PCYOX1: variants seen among roughly 807,000 people sequenced by gnomAD.
PCYOX1 encodes prenylcysteine oxidase 1.
In PCYOX1, 46 loss-of-function variants were observed where a neutral mutation model predicts 46.4. That is an observed-to-expected ratio of 0.99 (90% confidence interval 0.78 to 1.27). The LOEUF (loss-of-function observed/expected upper bound fraction) is 1.27, where lower values mean the gene tolerates loss of function less well. PCYOX1 is among the 50% of genes most tolerant of loss of function. The pLI is 0.00. For missense variants in PCYOX1, 658 were observed against 628.3 expected (o/e 1.05, Z -0.51); for synonymous variants, 220 against 231.8 (o/e 0.95, Z 0.46).
rs2104886355 is a variant in PCYOX1, at chr2:70,258,236, C to T, written c.72C>T (p.Cys24=). 2 of 1,595,444 alleles carry T rather than the reference C, an allele frequency of 1.3e-6. No homozygotes were observed. The highest frequency in any genetic ancestry group is 1.7e-6 in the Non-Finnish European group (2 of 1,175,860). The change falls in exon 1 of 6, where the codon TGC becomes TGT. Residue 24 remains cysteine, a synonymous_variant. Transcript: ENST00000433351. The part of the protein sequence containing the change: ...GLWLLLCSCG[C]PEGAELRAPP... ...GGCTGTTGCTGTGCAGCTGCGGATG[C>T]CCCGAGGGCGCCGAGCTGCGTGCTC...
chr2:70,260,259 C>T (rs1242334070), intron 2 of PCYOX1, among the ~76,000 whole-genome samples: 1 of 152,192 alleles, frequency 6.6e-6, no homozygotes, highest in Non-Finnish European at 1.5e-5. Context: ...TCACATATGG[C>T]CATGGCCAGG....
chr2:70,259,234 C>G, intron 1 of PCYOX1, 126 bp from the exon 2 acceptor site: 4 of 808,632 alleles, frequency 4.9e-6, no homozygotes, highest in Non-Finnish European at 8.3e-6. Flanking sequence ...TGTCACTCTT[C>G]CCCCACCAAA....
rs1696712065 is a variant in PCYOX1, at chr2:70,278,049, C to CT, written c.*660dup. The CT allele has an allele frequency of 6.6e-6, 1 of 152,172 alleles. No individual in the cohort carries two copies. The highest frequency in any genetic ancestry group is 1.5e-5 in the Non-Finnish European group (1 of 68,034). 9.4% of individuals were successfully genotyped at this position (152,172 alleles called of 1,614,324 possible). Reference sequence around the variant, plus strand: ...CGTGTGCCCATGCCTAAAGCCTTGACTTTCAGAATGTTGTCTTTTGATTCT... The same window carrying CT: ...CGTGTGCCCATGCCTAAAGCCTTGACTTTTCAGAATGTTGTCTTTTGATTCT... On this transcript the variant is annotated 3_prime_UTR_variant, in exon 6 of 6. Transcript: ENST00000433351.
intron 3 of PCYOX1, among the ~76,000 whole-genome samples, chr2:70,267,315 G>C (rs1416684243): frequency 1.3e-5 from 2 of 151,872 alleles, no homozygotes; most frequent in East Asian, 3.9e-4. Flanking sequence ...CTGGGCGGCC[G>C]GGCAGAGGAG....
At chr2:70,271,475 A>G (rs901201547) in intron 3 of PCYOX1, among the ~76,000 whole-genome samples, 2 of 152,056 alleles carry the variant, frequency 1.3e-5, no homozygotes, top group Non-Finnish European at 2.9e-5. Flanking sequence ...ATTTATAAAT[A>G]TTGTCATATT....
chr2:70,262,221 A>C (rs569812390), intron 3 of PCYOX1, among the ~76,000 whole-genome samples: 35 of 152,062 alleles, frequency 2.3e-4, no homozygotes, highest in African/African-American at 8.4e-4. Context: ...GCTGGAGTGC[A>C]ATGGTTCGAT....
rs972926754 is a variant in PCYOX1, at chr2:70,280,818, G to A, written c.*3426G>A. On this transcript the variant is annotated 3_prime_UTR_variant, in exon 6 of 6. Transcript: ENST00000433351. ...TATATATCTATGAGCCATTGTGTTTGGTGTTTTACAAGAACTTTACCATAC... is the reference window on the plus strand; with the variant it reads ...TATATATCTATGAGCCATTGTGTTTAGTGTTTTACAAGAACTTTACCATAC... 9 of 152,024 alleles carry A rather than the reference G, an allele frequency of 5.9e-5. No individual in the cohort carries two copies. Among genetic ancestry groups the A allele is most frequent in the African/African-American group, 2.2e-4 (9 of 41,346 alleles). The allele number at this position is 152,024 out of a possible 1,614,324, so 9.4% of individuals were successfully genotyped here.
chr2:70,262,431 G>A (rs937968064), intron 3 of PCYOX1, among the ~76,000 whole-genome samples: 2 of 151,146 alleles, frequency 1.3e-5, no homozygotes, highest in African/African-American at 4.9e-5. Flanking sequence ...CTCCCAAAGT[G>A]CTGGGATTAC....
At chr2:70,264,842 C>T (rs762863124) in intron 3 of PCYOX1, among the ~76,000 whole-genome samples, 11 of 151,784 alleles carry the variant, frequency 7.2e-5, no homozygotes, top group Non-Finnish European at 1.0e-4. Flanking sequence ...GGTGAAACTC[C>T]GCCTTGCTAA....
intron 3 of PCYOX1, among the ~76,000 whole-genome samples, chr2:70,272,437 T>A (rs1559036800): frequency 6.6e-6 from 1 of 152,054 alleles, no homozygotes; most frequent in African/African-American, 2.4e-5. Context: ...AATTTTTACA[T>A]TTTGTGTACA....
rs536040081 is a variant in PCYOX1 at position 70,278,488 on chromosome 2, G to A, written c.*1096G>A. On this transcript the variant is annotated 3_prime_UTR_variant, in exon 6 of 6. Coordinates refer to ENST00000433351, the MANE Select transcript of PCYOX1 (RefSeq NM_016297.4). The stretch of plus-strand genomic sequence containing the variant: ...TAGTAAGAACTTTAGAAGTAATCTT[G>A]ATAATAAGCACAGACAGCCTAACAG... The A allele has an allele frequency of 2.0e-5, 3 of 152,642 alleles. No individual in the cohort carries two copies. The East Asian group carries it at 5.8e-4, about 29-fold the overall frequency. 9.5% of individuals were successfully genotyped at this position (152,642 alleles called of 1,614,324 possible). A position where few individuals can be genotyped will look rare whatever the true frequency, so the allele number is the denominator to read the frequency against.
chr2:70,277,383 T>C lies in PCYOX1; in HGVS notation c.1509T>C (p.Thr503=), dbSNP rs769007718. 2 of 1,590,804 alleles carry C rather than the reference T, an allele frequency of 1.3e-6. No homozygotes were observed. The highest frequency in any genetic ancestry group is 2.2e-5 in the South Asian group (2 of 89,374). Residue 503 remains threonine, a synonymous_variant, in exon 6 of 6, where the codon ACT becomes ACC. Transcript: ENST00000433351. Reference sequence around the variant, plus strand: ...ATGGCTTATATGAGAAACTTAAAACTGAACTATGAAGTGACACACTCCTTT... The same window carrying C: ...ATGGCTTATATGAGAAACTTAAAACCGAACTATGAAGTGACACACTCCTTT... ...DQDGLYEKLK[T]EL is the part of the protein sequence containing the mutation.
In PCYOX1 at chr2:70,277,245, C is replaced by T; in HGVS notation, c.1371C>T (p.Leu457=). The T allele has an allele frequency of 1.9e-6, 3 of 1,614,162 alleles. No homozygotes were observed. The highest frequency in any genetic ancestry group is 2.5e-6 in the Non-Finnish European group (3 of 1,180,030). Residue 457 remains leucine (L), a synonymous_variant, in exon 6 of 6, where the codon CTC becomes CTT. Coordinates refer to ENST00000433351, the MANE Select transcript of PCYOX1 (RefSeq NM_016297.4). ...TTCTCCATGATCGACTTTATTACCT[C>T]AATGGCATAGAGTGTGCAGCAAGTG... ...SIILHDRLYY[L]NGIECAASAM...
chr2:70,272,265 T>TA (rs1325220520), intron 3 of PCYOX1, among the ~76,000 whole-genome samples: 1 of 152,104 alleles, frequency 6.6e-6, no homozygotes, highest in Admixed American at 6.6e-5. Context: ...TAGCTGGTAT[T>TA]ACAGGCATGC....
At chr2:70,260,419 C>G (rs1045190440) in intron 2 of PCYOX1, among the ~76,000 whole-genome samples, 2 of 152,194 alleles carry the variant, frequency 1.3e-5, no homozygotes, top group Non-Finnish European at 2.9e-5. Flanking sequence ...TGGCACAAAC[C>G]TGTAGTCCCA....
intron 3 of PCYOX1, among the ~76,000 whole-genome samples, chr2:70,264,757 T>G (rs1473116238): frequency 6.6e-6 from 1 of 151,918 alleles, no homozygotes; most frequent in Non-Finnish European, 1.5e-5. Flanking sequence ...GGCACACGCC[T>G]GTAATCCCAG....
chr2:70,267,778 G>A lies in PCYOX1; in HGVS notation c.494+6392G>A, dbSNP rs549844532. 1.1e-4 allele frequency among the ~76,000 whole-genome samples: 17 copies of A among 151,640 alleles called. No individual in the cohort carries two copies. In the South Asian group the frequency reaches 2.9e-3, roughly 26 times the overall value. ...TGGCTCGGCATCAGAGGGAGACCGTGGAGAGGGAGAGGGGGAGGGGGAGGG... is the reference window on the plus strand; with the variant it reads ...TGGCTCGGCATCAGAGGGAGACCGTAGAGAGGGAGAGGGGGAGGGGGAGGG... On this transcript the variant is annotated intron_variant, in intron 3 of 5. Transcript: ENST00000433351.
chr2:70,273,754 A>G (rs1296039850), intron 3 of PCYOX1, among the ~76,000 whole-genome samples: 1 of 152,208 alleles, frequency 6.6e-6, no homozygotes, highest in Non-Finnish European at 1.5e-5. Flanking sequence ...AATTTATGTG[A>G]ATGTTGTTTT....
intron 1 of PCYOX1, 62 bp downstream of exon 1, chr2:70,258,338 G>C (rs1412870578): frequency 2.7e-6 from 3 of 1,096,098 alleles, no homozygotes; most frequent in Non-Finnish European, 3.8e-6. Context: ...GGCGGCCGCT[G>C]CGCAGTGCGC....
Sources: gnomAD v4.1 joint callset for allele counts (sites outside exome capture counted in the v4.1 genomes callset) on GRCh38, gnomAD v4.1.1 for gene constraint, MANE v1.5 for transcripts, NCBI Gene and HGNC (gene_info 2026-07-23, HGNC 2026-07-21) for gene names.